The following CFAP221 variants were observed in gnomAD, a reference collection of about 807,000 sequenced individuals.
The protein encoded by CFAP221 is cilia and flagella associated protein 221, also known as cilia- and flagella-associated protein 221.
CFAP221 carries 97 observed loss-of-function variants against 113.1 expected under a neutral mutation model. The ratio of observed to expected loss-of-function variants is 0.86; its 90% CI spans 0.73 to 1.02. CFAP221 has a LOEUF of 1.02. CFAP221 is among the 50% of genes least tolerant of loss of function. The probability of loss-of-function intolerance (pLI) is 0.00; values close to 1 mark genes in which losing one functional copy is unlikely to be tolerated. For missense variants in CFAP221, 1,025 were observed against 1,013.4 expected (o/e 1.01, Z -0.16); for synonymous variants, 331 against 354.4 (o/e 0.93, Z 0.74).
chr2:119,589,592 A>G (rs1683458217), intron 7 of CFAP221: 1 of 152,384 alleles, frequency 6.6e-6, no homozygotes, highest in Non-Finnish European at 1.5e-5. Context: ...TTATGAAGCC[A>G]TATCTTCTCT....
At chr2:119,581,929 A>G (rs1326295262) in intron 6 of CFAP221, among the ~76,000 whole-genome samples, 1 of 152,052 alleles carries the variant, frequency 6.6e-6, no homozygotes, top group Non-Finnish European at 1.5e-5. Context: ...ATAAGAAAAA[A>G]AAGAGAAACC....
chr2:119,629,982 A>G, intron 17 of CFAP221, 27 bp downstream of exon 17: 1 of 1,543,074 alleles, frequency 6.5e-7, no homozygotes, highest in African/African-American at 1.4e-5. Context: ...AAATTAATTA[A>G]TTGAGTTTCT....
At chr2:119,569,132 T>G (rs1180117094) in intron 6 of CFAP221, among the ~76,000 whole-genome samples, 1 of 152,054 alleles carries the variant, frequency 6.6e-6, no homozygotes, top group Non-Finnish European at 1.5e-5. Context: ...TTCAATTTAT[T>G]TATTTATTTA....
At chr2:119,621,383 A>G (rs1263023739) in intron 14 of CFAP221, among the ~76,000 whole-genome samples, 1 of 152,226 alleles carries the variant, frequency 6.6e-6, no homozygotes, top group East Asian at 1.9e-4. Context: ...GAGCACACAG[A>G]TTCATAAAGC....
chr2:119,569,055 G>A (rs964318277), intron 6 of CFAP221, among the ~76,000 whole-genome samples: 1 of 151,846 alleles, frequency 6.6e-6, no homozygotes, highest in Non-Finnish European at 1.5e-5. Context: ...TGGTTTCTGA[G>A]GATAAGTCTG....
At chr2:119,601,906 G>A (rs1412077419) in intron 8 of CFAP221, among the ~76,000 whole-genome samples, 1 of 152,166 alleles carries the variant, frequency 6.6e-6, no homozygotes, top group Non-Finnish European at 1.5e-5. Flanking sequence ...AAACACGGGA[G>A]GTTTTCAAAG....
chr2:119,630,974 C>A, intron 19 of CFAP221, 73 bp downstream of exon 19: 1 of 1,541,902 alleles, frequency 6.5e-7, no homozygotes, highest in Non-Finnish European at 8.8e-7. Flanking sequence ...GGAAACAGAG[C>A]ACTCATTGGG....
intron 23 of CFAP221, chr2:119,656,081 G>A: frequency 2.6e-6 from 1 of 382,510 alleles, no homozygotes; most frequent in South Asian, 3.2e-5. Flanking sequence ...CTGGGAGATG[G>A]GAATTACACC....
chr2:119,573,153 C>T lies in CFAP221; in HGVS notation c.527+11039C>T, dbSNP rs376530425. 113 of 152,646 alleles carry T rather than the reference C, an allele frequency of 7.4e-4. 1 individual carries two copies. In the South Asian group the frequency reaches 0.011, roughly 15 times the overall value. 9.5% of individuals were successfully genotyped at this position (152,646 alleles called of 1,614,324 possible). ...GATTGATGGTGAGAGTTTGCCCCCA[C>T]GTAGACAGCCCCCAGTCTTGCATTG... On this transcript the variant is annotated intron_variant, in intron 6 of 23. Coordinates refer to ENST00000413369, the MANE Select transcript of CFAP221 (RefSeq NM_001271049.2).
Position 119,549,074 on chromosome 2 carries a change from TG to T in CFAP221, c.140-10del. The T allele has an allele frequency of 6.7e-7, 1 of 1,492,002 alleles. No individual in the cohort carries two copies. The highest frequency in any genetic ancestry group is 8.9e-7 in the Non-Finnish European group (1 of 1,120,240). 92.4% of individuals were successfully genotyped at this position (1,492,002 alleles called of 1,614,324 possible). On this transcript the variant is annotated splice_polypyrimidine_tract_variant and intron_variant, in intron 2 of 23. Coordinates refer to ENST00000413369, the MANE Select transcript of CFAP221 (RefSeq NM_001271049.2). The stretch of plus-strand genomic sequence containing the variant: ...TGTCTCATGATGTGCTTATCTACAT[TG>T]TTTTTATAGAGGTTTATGCAAAACT...
chr2:119,554,472 T>C (rs972827252), intron 3 of CFAP221, among the ~76,000 whole-genome samples: 2 of 152,250 alleles, frequency 1.3e-5, no homozygotes, highest in Non-Finnish European at 1.5e-5. Flanking sequence ...AGACAACCAG[T>C]GTTGCTATTG....
At position 119,648,231 on chromosome 2, in the gene CFAP221, C is replaced by G. The variant is rs141516838; in HGVS notation, c.2318+1181C>G. On this transcript the variant is annotated intron_variant, in intron 22 of 23. Transcript: ENST00000413369. ...CACTTGGTAGGCAAGCAACAGCTCA[C>G]TTTAGAATGAAGTTGTATCACCCAA... 4.0e-3 allele frequency among the ~76,000 whole-genome samples: 609 copies of G among 152,282 alleles called. 2 individuals carry two copies. The highest frequency in any genetic ancestry group is 0.014 in the African/African-American group (588 of 41,542).
chr2:119,592,864 C>T (rs1361699795), intron 7 of CFAP221, among the ~76,000 whole-genome samples: 1 of 152,248 alleles, frequency 6.6e-6, no homozygotes, highest in Non-Finnish European at 1.5e-5. Flanking sequence ...TTGTTCCCCA[C>T]TGAAGGTGAA....
chr2:119,600,168 A>G (rs1684268657), intron 7 of CFAP221, among the ~76,000 whole-genome samples: 1 of 152,192 alleles, frequency 6.6e-6, no homozygotes, highest in Non-Finnish European at 1.5e-5. Context: ...AAGTAAATAA[A>G]TAAATAACAT....
intron 3 of CFAP221, among the ~76,000 whole-genome samples, chr2:119,551,449 A>G (rs1680420207): frequency 6.6e-6 from 1 of 152,176 alleles, no homozygotes; most frequent in Non-Finnish European, 1.5e-5. Flanking sequence ...ATTTTTATGT[A>G]TTATGTGAGG....
chr2:119,555,332 G>T (rs141413868), intron 3 of CFAP221, among the ~76,000 whole-genome samples: 157 of 152,250 alleles, frequency 1.0e-3, no homozygotes, highest in African/African-American at 3.6e-3. Context: ...GGGACTAGGA[G>T]TTCTACTGAC....
At chr2:119,647,475 C>T (rs1013131015) in intron 22 of CFAP221, among the ~76,000 whole-genome samples, 5 of 152,158 alleles carry the variant, frequency 3.3e-5, no homozygotes, top group East Asian at 1.9e-4. Flanking sequence ...ATCTCCTATC[C>T]GTATGCTCAT....
chr2:119,631,980 A>C (rs1686803506), intron 19 of CFAP221, among the ~76,000 whole-genome samples: 1 of 152,242 alleles, frequency 6.6e-6, no homozygotes, highest in African/African-American at 2.4e-5. Context: ...AATAGCCAAA[A>C]TAGCTTTATA....
At chr2:119,559,561 A>T in intron 3 of CFAP221, 128 bp from the exon 4 acceptor site, 3 of 738,880 alleles carry the variant, frequency 4.1e-6, no homozygotes, top group Non-Finnish European at 6.6e-6. Flanking sequence ...TGTATTTCAA[A>T]TATTTTGAAA....
Sources: gnomAD v4.1 joint callset for allele counts (sites outside exome capture counted in the v4.1 genomes callset) on GRCh38, gnomAD v4.1.1 for gene constraint, MANE v1.5 for transcripts, NCBI Gene and HGNC (gene_info 2026-07-23, HGNC 2026-07-21) for gene names.